The following ROCK1 variants were observed in gnomAD, a reference collection of about 807,000 sequenced individuals.
ROCK1 encodes rho-associated protein kinase 1.
A neutral mutation model predicts 196.8 loss-of-function variants in ROCK1; 36 were observed. That is an observed-to-expected ratio of 0.18 (90% confidence interval 0.14 to 0.24). ROCK1 has a LOEUF of 0.24. Among genes scored for constraint, ROCK1 ranks in the 10% least tolerant of loss-of-function variants. ROCK1 has a pLI of 1.00. For missense variants in ROCK1, 920 were observed against 1,562.0 expected (o/e 0.59, Z 6.93); for synonymous variants, 443 against 515.9 (o/e 0.86, Z 1.91).
chr18:20,966,846 C>A, intron 27 of ROCK1, 71 bp downstream of exon 27: 1 of 1,258,026 alleles, frequency 7.9e-7, no homozygotes, highest in Non-Finnish European at 1.1e-6. Context: ...AGGTAGAAAA[C>A]CAAATGAAAG....
chr18:21,044,034 TA>T lies in ROCK1; in HGVS notation c.675+67del, dbSNP rs918017035. On this transcript the variant is annotated intron_variant, in intron 6 of 32. Transcript: ENST00000399799. Reference sequence around the variant, plus strand: ...CTTACACCATTTTCTAAAGAATTCTTAAACCATTTTCTAAAGAAGCATCTAC... The same window carrying T: ...CTTACACCATTTTCTAAAGAATTCTTAACCATTTTCTAAAGAAGCATCTAC... 16 of 945,946 alleles carry T rather than the reference TA, an allele frequency of 1.7e-5. No individual in the cohort carries two copies. The East Asian group carries it at 2.2e-4, about 13-fold the overall frequency. The allele number at this position is 945,946 out of a possible 1,614,324, so 58.6% of individuals were successfully genotyped here.
chr18:21,034,671 A>G (rs956455926), intron 9 of ROCK1, among the ~76,000 whole-genome samples: 1 of 152,238 alleles, frequency 6.6e-6, no homozygotes, highest in Non-Finnish European at 1.5e-5. Flanking sequence ...ACCTAAACAT[A>G]CTAGCTGAAA....
intron 8 of ROCK1, among the ~76,000 whole-genome samples, chr18:21,040,659 C>T (rs923847039): frequency 2.0e-5 from 3 of 152,100 alleles, no homozygotes; most frequent in Non-Finnish European, 4.4e-5. Context: ...CATGGTTCTC[C>T]GGCACATGGT....
intron 1 of ROCK1, among the ~76,000 whole-genome samples, chr18:21,088,614 T>A (rs928132472): frequency 3.9e-5 from 6 of 152,158 alleles, no homozygotes; most frequent in Non-Finnish European, 8.8e-5. Context: ...GGTCTGAAAG[T>A]GCCAAAATTC....
chr18:20,966,900 T>G lies in ROCK1; in HGVS notation c.3352+17A>C. 1 of 1,584,736 alleles carries G rather than the reference T, an allele frequency of 6.3e-7. No individual in the cohort carries two copies. The highest frequency in any genetic ancestry group is 8.6e-7 in the Non-Finnish European group (1 of 1,157,730). Reference sequence around the variant, plus strand: ...ATGACATTTATACATGTTTGAATGATACAGAATTATTCTTACCTGGGAGGT... The same window carrying G: ...ATGACATTTATACATGTTTGAATGAGACAGAATTATTCTTACCTGGGAGGT... On this transcript the variant is annotated intron_variant, in intron 27 of 32. Transcript: ENST00000399799.
At chr18:21,076,604 G>A (rs1252833077) in intron 1 of ROCK1, among the ~76,000 whole-genome samples, 1 of 151,830 alleles carries the variant, frequency 6.6e-6, no homozygotes, top group African/African-American at 2.4e-5. Context: ...AGTAGAGATG[G>A]GGTTTCACCA....
chr18:21,046,355 C>T (rs760196649), intron 4 of ROCK1, among the ~76,000 whole-genome samples: 17 of 152,278 alleles, frequency 1.1e-4, no homozygotes, highest in East Asian at 1.9e-4. Context: ...AGATGCCTGG[C>T]GGTTAGCAAT....
At chr18:20,988,886 G>A (rs944119871) in intron 18 of ROCK1, among the ~76,000 whole-genome samples, 5 of 151,710 alleles carry the variant, frequency 3.3e-5, no homozygotes, top group Admixed American at 1.3e-4. Context: ...TATTCTCTGC[G>A]ATATTCCCAG....
chr18:21,006,852 C>T, intron 14 of ROCK1, 62 bp from the exon 15 acceptor site: 1 of 1,190,530 alleles, frequency 8.4e-7, no homozygotes. Flanking sequence ...ACATATAAAT[C>T]CTTTTTTAAA....
chr18:21,009,164 G>C (rs1364286349), intron 13 of ROCK1, among the ~76,000 whole-genome samples: 6 of 148,082 alleles, frequency 4.1e-5, no homozygotes, highest in Non-Finnish European at 8.9e-5. Flanking sequence ...TTTTGAGACA[G>C]GCTTTTTTTT....
intron 10 of ROCK1, among the ~76,000 whole-genome samples, chr18:21,025,936 T>C (rs1256970408): frequency 6.6e-6 from 1 of 152,146 alleles, no homozygotes; most frequent in Non-Finnish European, 1.5e-5. Flanking sequence ...GAAGAAAAGC[T>C]AGAGAACATA....
At chr18:20,959,145 AAAAT>A (rs1380861230) in intron 29 of ROCK1, among the ~76,000 whole-genome samples, 6 of 64,496 alleles carry the variant, frequency 9.3e-5, no homozygotes, top group African/African-American at 4.1e-4. Flanking sequence ...TATATTATAT[AAAAT>A]ATATATATTA....
chr18:21,074,721 T>G (rs369852079), intron 1 of ROCK1, among the ~76,000 whole-genome samples: 21 of 152,348 alleles, frequency 1.4e-4, no homozygotes, highest in African/African-American at 4.8e-4. Flanking sequence ...CTGCCTCCTC[T>G]TCTGCAGGAA....
At chr18:21,072,336 T>C (rs1024647983) in intron 1 of ROCK1, among the ~76,000 whole-genome samples, 1 of 152,216 alleles carries the variant, frequency 6.6e-6, no homozygotes, top group Non-Finnish European at 1.5e-5. Context: ...GTGCCTTTAT[T>C]AGGGAAATAA....
At chr18:21,000,434 T>A (rs1465250255) in intron 16 of ROCK1, among the ~76,000 whole-genome samples, 1 of 152,100 alleles carries the variant, frequency 6.6e-6, no homozygotes, top group Non-Finnish European at 1.5e-5. Flanking sequence ...GGCTAATTTG[T>A]GTATTTTTAG....
chr18:20,953,845 C>T (rs2035214766), intron 31 of ROCK1, 60 bp from the exon 32 acceptor site: 1 of 692,794 alleles, frequency 1.4e-6, no homozygotes. Context: ...AAAATCCAAC[C>T]TATCAAATGC....
chr18:20,963,136 T>C (rs1464255752), intron 27 of ROCK1, among the ~76,000 whole-genome samples: 2 of 152,062 alleles, frequency 1.3e-5, no homozygotes, highest in Non-Finnish European at 2.9e-5. Flanking sequence ...ATTCTACATA[T>C]GTACAAAAAC....
intron 2 of ROCK1, among the ~76,000 whole-genome samples, chr18:21,055,379 C>T (rs2036238197): frequency 6.6e-6 from 1 of 152,150 alleles, no homozygotes; most frequent in African/African-American, 2.4e-5. Context: ...CCTCCCACAG[C>T]TCTCCCACTG....
In ROCK1 at chr18:20,970,471, A is replaced by C. The variant is rs1202201239; in HGVS notation, c.2697T>G (p.Ala899=). Residue 899 remains alanine (A), a synonymous_variant, in exon 23 of 33, where the codon GCT becomes GCG. Coordinates refer to ENST00000399799, the MANE Select transcript of ROCK1 (RefSeq NM_005406.3). The part of the protein sequence containing the change: ...ATQLDLAETK[A]ESEQLARGLL... Reference sequence around the variant, plus strand: ...GGCCTCGCGCCAACTGCTCAGACTCAGCTTTTGTTTCTGCTAGATCCAACT... The same window carrying C: ...GGCCTCGCGCCAACTGCTCAGACTCCGCTTTTGTTTCTGCTAGATCCAACT... The C allele has an allele frequency of 6.2e-7, 1 of 1,613,560 alleles. No individual in the cohort carries two copies. Among genetic ancestry groups the C allele is most frequent in the Admixed American group, 1.7e-5 (1 of 59,998 alleles).
Sources: gnomAD v4.1 joint callset for allele counts (sites outside exome capture counted in the v4.1 genomes callset) on GRCh38, gnomAD v4.1.1 for gene constraint, MANE v1.5 for transcripts, NCBI Gene and HGNC (gene_info 2026-07-23, HGNC 2026-07-21) for gene names.